POU6F2: variants seen among roughly 807,000 people sequenced by gnomAD.
The protein encoded by POU6F2 is POU class 6 homeobox 2, also known as POU domain, class 6, transcription factor 2.
In POU6F2, 31 loss-of-function variants were observed where a neutral mutation model predicts 71.3. The ratio of observed to expected loss-of-function variants is 0.43; its 90% CI spans 0.33 to 0.59. The LOEUF (loss-of-function observed/expected upper bound fraction) is 0.59, where lower values mean the gene tolerates loss of function less well. Among genes scored for constraint, POU6F2 ranks in the 20% least tolerant of loss-of-function variants. The pLI is 0.04. For synonymous variants in POU6F2, 347 were observed against 355.7 expected, an observed-to-expected ratio of 0.98 and a Z score of 0.27; for missense variants, 783 against 856.8, an observed-to-expected ratio of 0.91 and a Z score of 1.07.
intron 2 of POU6F2, among the ~76,000 whole-genome samples, chr7:39,174,427 C>T (rs1793287641): frequency 6.6e-6 from 1 of 152,096 alleles, no homozygotes; most frequent in Non-Finnish European, 1.5e-5. Context: ...TTAAGGGTGA[C>T]TATAATTAGA....
intron 5 of POU6F2, among the ~76,000 whole-genome samples, chr7:39,358,560 G>A (rs1388804373): frequency 6.6e-6 from 1 of 152,150 alleles, no homozygotes; most frequent in Non-Finnish European, 1.5e-5. Flanking sequence ...ATGATCAGCA[G>A]GGTTTAAGAA....
intron 4 of POU6F2, among the ~76,000 whole-genome samples, chr7:39,297,876 A>G (rs1031513326): frequency 6.6e-6 from 1 of 152,218 alleles, no homozygotes; most frequent in African/African-American, 2.4e-5. Context: ...CTGATCTTCG[A>G]CAAACTGACA....
intron 4 of POU6F2, among the ~76,000 whole-genome samples, chr7:39,335,462 C>T (rs1339031646): frequency 2.6e-5 from 4 of 152,170 alleles, no homozygotes; most frequent in Non-Finnish European, 4.4e-5. Flanking sequence ...AGCACAGCCA[C>T]GGAGCGCATC....
chr7:39,030,916 T>G (rs898438537), intron 1 of POU6F2, among the ~76,000 whole-genome samples: 2 of 152,002 alleles, frequency 1.3e-5, no homozygotes, highest in African/African-American at 4.8e-5. Context: ...TTTATTTAGT[T>G]TTTGAGACAG....
chr7:39,448,942 G>T (rs1045285353), intron 7 of POU6F2, among the ~76,000 whole-genome samples: 3 of 152,188 alleles, frequency 2.0e-5, no homozygotes, highest in African/African-American at 7.2e-5. Context: ...TCTTTAATAT[G>T]TGTCCCTACA....
intron 6 of POU6F2, among the ~76,000 whole-genome samples, chr7:39,408,458 T>G (rs1047980130): frequency 6.6e-6 from 1 of 152,228 alleles, no homozygotes; most frequent in African/African-American, 2.4e-5. Flanking sequence ...TACACTTGCT[T>G]TTTTTGGCCT....
chr7:39,331,863 T>A (rs1177196260), intron 4 of POU6F2, among the ~76,000 whole-genome samples: 1 of 152,220 alleles, frequency 6.6e-6, no homozygotes, highest in Non-Finnish European at 1.5e-5. Flanking sequence ...CACATTTTAT[T>A]GCACAATTGG....
At chr7:39,170,163 G>A (rs925326763) in intron 2 of POU6F2, among the ~76,000 whole-genome samples, 3 of 152,174 alleles carry the variant, frequency 2.0e-5, no homozygotes, top group Admixed American at 6.5e-5. Context: ...GCGAGATTCT[G>A]TCTCAAAAAA....
intron 6 of POU6F2, among the ~76,000 whole-genome samples, chr7:39,421,078 A>G (rs1320342868): frequency 6.6e-6 from 1 of 152,140 alleles, no homozygotes; most frequent in Non-Finnish European, 1.5e-5. Flanking sequence ...CCATACATCT[A>G]TCAAAAACTG....
chr7:39,125,793 C>G (rs1451702808), intron 2 of POU6F2, among the ~76,000 whole-genome samples: 1 of 152,156 alleles, frequency 6.6e-6, no homozygotes, highest in African/African-American at 2.4e-5. Context: ...TTTCTCTCTT[C>G]CCTTGCCTTG....
rs372674191 is a variant in POU6F2 at position 39,143,198 on chromosome 7, A to T, written c.277+57167A>T. The stretch of plus-strand genomic sequence containing the variant: ...GGTGGTCTCCAAGTTGGTCCTCATA[A>T]TGGTCAAGTTTAGCATCAAAAGAGG... On this transcript the variant is annotated intron_variant, in intron 2 of 9. Transcript: ENST00000518318. 1.2e-3 allele frequency among the ~76,000 whole-genome samples: 182 copies of T among 152,364 alleles called. 1 individual carries two copies. Among genetic ancestry groups the T allele is most frequent in the African/African-American group, 4.2e-3 (176 of 41,582 alleles).
intron 4 of POU6F2, among the ~76,000 whole-genome samples, chr7:39,262,186 G>A (rs971889335): frequency 7.9e-5 from 12 of 152,152 alleles, no homozygotes; most frequent in African/African-American, 2.9e-4. Flanking sequence ...GGTTCATAAG[G>A]TTCCTGTTTG....
intron 2 of POU6F2, among the ~76,000 whole-genome samples, chr7:39,096,025 T>A (rs1791448523): frequency 6.6e-6 from 1 of 152,168 alleles, no homozygotes; most frequent in Non-Finnish European, 1.5e-5. Context: ...TAGTCAATGA[T>A]AAATAAAGAA....
chr7:39,316,415 G>A (rs2128768008), intron 4 of POU6F2, among the ~76,000 whole-genome samples: 1 of 152,294 alleles, frequency 6.6e-6, no homozygotes, highest in East Asian at 1.9e-4. Flanking sequence ...ATACCTGACA[G>A]TAAAGGGTTT....
chr7:39,035,625 T>A (rs1790044968), intron 1 of POU6F2, among the ~76,000 whole-genome samples: 1 of 152,108 alleles, frequency 6.6e-6, no homozygotes, highest in Non-Finnish European at 1.5e-5. Context: ...CTGAATGGGA[T>A]TCCCAGTTAT....
At chr7:39,424,736 G>A (rs1787929495) in intron 6 of POU6F2, among the ~76,000 whole-genome samples, 1 of 151,702 alleles carries the variant, frequency 6.6e-6, no homozygotes, top group Admixed American at 6.6e-5. Flanking sequence ...AGAGAACATG[G>A]CAAATCTCAT....
chr7:38,988,643 A>AG (rs1389578960), intron 1 of POU6F2, among the ~76,000 whole-genome samples: 1 of 152,164 alleles, frequency 6.6e-6, no homozygotes, highest in Non-Finnish European at 1.5e-5. Flanking sequence ...ACTAGGTGCC[A>AG]GGCACTTTGC....
At chr7:39,101,073 C>CT (rs34648607) in intron 2 of POU6F2, among the ~76,000 whole-genome samples, 57 of 115,804 alleles carry the variant, frequency 4.9e-4, no homozygotes, top group Admixed American at 2.2e-3. Flanking sequence ...TAAGTGTATT[C>CT]TTTTTTTTTT....
chr7:38,983,182 C>CA (rs1426318946), intron 1 of POU6F2, among the ~76,000 whole-genome samples: 1 of 151,912 alleles, frequency 6.6e-6, no homozygotes, highest in African/African-American at 2.4e-5. Context: ...AAACAATGTG[C>CA]AAAAAGATAA....
Sources: gnomAD v4.1 joint callset for allele counts (sites outside exome capture counted in the v4.1 genomes callset) on GRCh38, gnomAD v4.1.1 for gene constraint, MANE v1.5 for transcripts, NCBI Gene and HGNC (gene_info 2026-07-23, HGNC 2026-07-21) for gene names.